The following CCNY variants were observed in gnomAD, a reference collection of about 807,000 sequenced individuals.
The protein encoded by CCNY is cyclin-Y.
In CCNY, 19 loss-of-function variants were observed where a neutral mutation model predicts 42.8. That is an observed-to-expected ratio of 0.44 (90% CI 0.31 to 0.65). CCNY has a LOEUF of 0.65. Among genes scored for constraint, CCNY ranks in the 30% least tolerant of loss-of-function variants. The pLI, the probability that CCNY is intolerant of heterozygous loss-of-function variation, is 0.07. For synonymous variants in CCNY, 165 were observed against 162.7 expected, an observed-to-expected ratio of 1.01 and a Z score of -0.11; for missense variants, 370 against 437.3, an observed-to-expected ratio of 0.85 and a Z score of 1.37.
chr10:35,451,764 A>G (rs1722376063), intron 1 of CCNY, among the ~76,000 whole-genome samples: 1 of 151,998 alleles, frequency 6.6e-6, no homozygotes, highest in African/African-American at 2.4e-5. Flanking sequence ...CATGTCTTTT[A>G]CCCTCTACAA....
At chr10:35,438,149 C>CTT (rs375497545) in intron 1 of CCNY, among the ~76,000 whole-genome samples, 4 of 137,682 alleles carry the variant, frequency 2.9e-5, no homozygotes, top group Non-Finnish European at 4.8e-5. Context: ...CTTCAGAGTT[C>CTT]TTTTTTTTTT....
At chr10:35,416,407 T>G (rs1466939036) in intron 1 of CCNY, among the ~76,000 whole-genome samples, 1 of 152,110 alleles carries the variant, frequency 6.6e-6, no homozygotes, top group Non-Finnish European at 1.5e-5. Flanking sequence ...GAGACCAGCC[T>G]GGGCAACATA....
chr10:35,298,683 AT>A (rs1402868523), intron 3 of CCNY, among the ~76,000 whole-genome samples: 1 of 151,814 alleles, frequency 6.6e-6, no homozygotes, highest in Non-Finnish European at 1.5e-5. Context: ...CGTCTGGCTA[AT>A]TTTTTTTATT....
intron 1 of CCNY, among the ~76,000 whole-genome samples, chr10:35,352,117 T>G (rs1001467966): frequency 1.4e-4 from 22 of 152,248 alleles, no homozygotes; most frequent in African/African-American, 4.8e-4. Context: ...GGTCACTGTG[T>G]GGGGTGACAG....
intron 1 of CCNY, among the ~76,000 whole-genome samples, chr10:35,399,908 A>C (rs1837608019): frequency 6.6e-6 from 1 of 152,126 alleles, no homozygotes; most frequent in South Asian, 2.1e-4. Flanking sequence ...TGACCTCCAA[A>C]CTGGTGTTTT....
At chr10:35,435,666 T>C (rs16936035) in intron 1 of CCNY, among the ~76,000 whole-genome samples, 2,973 of 152,322 alleles carry the variant, frequency 0.02, 80 homozygotes, top group African/African-American at 0.057. Flanking sequence ...TACACACTTT[T>C]GTATATTAGA....
At chr10:35,512,981 G>A (rs1247767967) in intron 3 of CCNY, among the ~76,000 whole-genome samples, 2 of 152,108 alleles carry the variant, frequency 1.3e-5, no homozygotes, top group African/African-American at 4.8e-5. Flanking sequence ...ATGTATCTTT[G>A]TATCTGACAG....
intron 1 of CCNY, among the ~76,000 whole-genome samples, chr10:35,346,882 C>T (rs780815120): frequency 4.6e-5 from 7 of 152,246 alleles, no homozygotes; most frequent in Non-Finnish European, 8.8e-5. Flanking sequence ...CCGCCTCGGC[C>T]TTCCAAAGTG....
intron 1 of CCNY, among the ~76,000 whole-genome samples, chr10:35,420,803 A>G (rs1286276094): frequency 6.6e-6 from 1 of 152,254 alleles, no homozygotes; most frequent in Non-Finnish European, 1.5e-5. Flanking sequence ...ATGTGAACGG[A>G]GACTAATTTT....
intron 9 of CCNY, 125 bp downstream of exon 9, chr10:35,566,310 T>G (rs558068123): frequency 5.4e-5 from 51 of 949,220 alleles, no homozygotes; most frequent in Admixed American, 2.0e-4. Context: ...GATGAGCTAC[T>G]AGGATATATA....
intron 2 of CCNY, among the ~76,000 whole-genome samples, chr10:35,494,396 C>G (rs1282111947): frequency 2.6e-5 from 4 of 152,006 alleles, no homozygotes; most frequent in Non-Finnish European, 5.9e-5. Flanking sequence ...CACTTTAAGT[C>G]TCACTTAAAA....
At chr10:35,344,853 G>C (rs1836265115) in intron 1 of CCNY, among the ~76,000 whole-genome samples, 1 of 152,034 alleles carries the variant, frequency 6.6e-6, no homozygotes, top group African/African-American at 2.4e-5. Flanking sequence ...GCGATAGTTT[G>C]CTGAGAATGA....
Position 35,381,291 on chromosome 10 carries a change from G to T in CCNY, c.154+44084G>T, listed in dbSNP as rs527980174. On this transcript the variant is annotated intron_variant, in intron 1 of 9. Coordinates refer to ENST00000374704, the MANE Select transcript of CCNY (RefSeq NM_145012.6). ...ATAGATACTGTAGGCCGAGCGCCAT[G>T]GCTCATGCCTGTAATCCCAGCACTT... Among the ~76,000 whole-genome samples the T allele has an allele frequency of 2.0e-5, 3 of 152,310 alleles. No individual in the cohort carries two copies. The South Asian group carries it at 6.2e-4, about 32-fold the overall frequency.
intron 3 of CCNY, among the ~76,000 whole-genome samples, chr10:35,256,378 C>T (rs1217745319): frequency 6.6e-6 from 1 of 151,986 alleles, no homozygotes; most frequent in African/African-American, 2.4e-5. Context: ...TCTCTGGTTA[C>T]CATGGAGATC....
intron 7 of CCNY, among the ~76,000 whole-genome samples, chr10:35,533,095 G>A (rs1013247010): frequency 1.3e-5 from 2 of 152,092 alleles, no homozygotes; most frequent in East Asian, 3.9e-4. Context: ...TTCTTGCTTC[G>A]GATGGGATGT....
chr10:35,552,390 A>G (rs1289572379), intron 7 of CCNY, among the ~76,000 whole-genome samples: 2 of 152,306 alleles, frequency 1.3e-5, no homozygotes, highest in East Asian at 1.9e-4. Context: ...TTTAACGGGT[A>G]TAGAGTTTCA....
At chr10:35,274,444 T>C (rs1041270978) in intron 3 of CCNY, among the ~76,000 whole-genome samples, 11 of 152,266 alleles carry the variant, frequency 7.2e-5, no homozygotes, top group African/African-American at 2.4e-4. Context: ...GGAATATCCC[T>C]GCATACTTCA....
chr10:35,551,295 A>G (rs1473299812), intron 7 of CCNY, among the ~76,000 whole-genome samples: 2 of 152,232 alleles, frequency 1.3e-5, no homozygotes, highest in Admixed American at 1.3e-4. Flanking sequence ...TCCTTTTCTT[A>G]AAAAACAAAA....
chr10:35,561,447 G>C (rs141841922), intron 8 of CCNY, among the ~76,000 whole-genome samples: 1 of 152,138 alleles, frequency 6.6e-6, no homozygotes, highest in African/African-American at 2.4e-5. Flanking sequence ...CATACTGTAC[G>C]CGTTGTTTTA....
Sources: allele counts gnomAD v4.1 joint callset (sites outside exome capture counted in the v4.1 genomes callset), GRCh38; gene constraint gnomAD v4.1.1; transcripts MANE v1.5; gene names NCBI Gene and HGNC (gene_info 2026-07-23, HGNC 2026-07-21).